Variants in TASOR2 observed in about 807,000 individuals in gnomAD.
TASOR2 encodes transcription activation suppressor family member 2, also known as protein TASOR 2.
Under a neutral mutation model 199.5 loss-of-function variants are expected in TASOR2, and 84 were observed. That is an observed-to-expected ratio of 0.42 (90% CI 0.35 to 0.50). TASOR2 has a LOEUF of 0.50. Among genes scored for constraint, TASOR2 ranks in the 20% least tolerant of loss-of-function variants. The probability of loss-of-function intolerance (pLI) is 0.02; values close to 1 mark genes in which losing one functional copy is unlikely to be tolerated. For synonymous variants in TASOR2, 1,103 were observed against 1,046.6 expected, an observed-to-expected ratio of 1.05 and a Z score of -1.04; for missense variants, 2,796 against 2,835.9, an observed-to-expected ratio of 0.99 and a Z score of 0.32.
Position 5,748,004 on chromosome 10 carries a change from C to G in TASOR2, c.4583C>G (p.Pro1528Arg). ...TGCTATGGTAGGGAGTTAAACCAGC[C>G]TGCCTCAGCTGCCAAATGCACAGGT... Residue 1528 changes from proline (P) to arginine (R), a missense_variant, in exon 15 of 21, where the codon CCT (proline) becomes CGT (arginine). Transcript: ENST00000328090. The surrounding 1 kb of genome is among the most constrained non-coding windows in gnomAD (Gnocchi z 5.1). 1 of 1,461,302 alleles carries G rather than the reference C, an allele frequency of 6.8e-7. No individual in the cohort carries two copies. The highest frequency in any genetic ancestry group is 8.6e-7 in the Non-Finnish European group (1 of 1,157,582). The allele number at this position is 1,461,302 out of a possible 1,614,324, so 90.5% of individuals were successfully genotyped here.
At chr10:5,691,142 G>T (rs1267266835) in intron 1 of TASOR2, among the ~76,000 whole-genome samples, 1 of 147,516 alleles carries the variant, frequency 6.8e-6, no homozygotes, top group Non-Finnish European at 1.5e-5. Flanking sequence ...AGCGAGCCGA[G>T]ATCACGCCAC....
At chr10:5,758,581 A>T (rs1411707152) in intron 17 of TASOR2, among the ~76,000 whole-genome samples, 1 of 152,184 alleles carries the variant, frequency 6.6e-6, no homozygotes, top group African/African-American at 2.4e-5. Flanking sequence ...TCTCTACTGC[A>T]TCGGGGCCTC....
rs780666915 is a variant in TASOR2 at position 5,720,796 on chromosome 10, C to G, written c.46+22C>G. On this transcript the variant is annotated intron_variant, in intron 5 of 20. Transcript: ENST00000328090. This position sits in a 1 kb window ranked among gnomAD's most constrained non-coding sequence, Gnocchi z 5.3. ...AATGGTAAGAAATAGTTCATTGATTCTTTTAGGTTTTTTTTTTCTTGAGTA... is the reference window on the plus strand; with the variant it reads ...AATGGTAAGAAATAGTTCATTGATTGTTTTAGGTTTTTTTTTTCTTGAGTA... 1.3e-6 allele frequency: 2 copies of G among 1,598,182 alleles called. No homozygotes were observed. The highest frequency in any genetic ancestry group is 2.7e-5 in the African/African-American group (2 of 73,454).
chr10:5,707,654 T>TTCTCTC (rs55766705), intron 1 of TASOR2, among the ~76,000 whole-genome samples: 3 of 135,652 alleles, frequency 2.2e-5, no homozygotes, highest in South Asian at 2.4e-4. Context: ...CTCATTCTCT[T>TTCTCTC]TCTCTCTCTC....
Position 5,690,900 on chromosome 10 carries a change from T to C in TASOR2, c.-288+5725T>C, listed in dbSNP as rs1175538419. Among the ~76,000 whole-genome samples the C allele has an allele frequency of 1.3e-5, 2 of 152,128 alleles. No individual in the cohort carries two copies. Among genetic ancestry groups the C allele is most frequent in the Non-Finnish European group, 2.9e-5 (2 of 68,022 alleles). ...TTTGAAATAATTCTAATGAAAATTATATGACCTTGAGGCTGGGCGCGGTGG... is the reference window on the plus strand; with the variant it reads ...TTTGAAATAATTCTAATGAAAATTACATGACCTTGAGGCTGGGCGCGGTGG... On this transcript the variant is annotated intron_variant, in intron 1 of 20. Transcript: ENST00000328090. This position sits in a 1 kb window ranked among gnomAD's most constrained non-coding sequence, Gnocchi z 4.8.
chr10:5,716,954 T>A (rs1320597744), intron 2 of TASOR2, among the ~76,000 whole-genome samples: 2 of 140,560 alleles, frequency 1.4e-5, no homozygotes, highest in African/African-American at 5.0e-5. Context: ...ATTGCATTAT[T>A]TGCTTCATTT....
intron 1 of TASOR2, among the ~76,000 whole-genome samples, chr10:5,693,386 C>T (rs1377396144): frequency 6.6e-6 from 1 of 152,166 alleles, no homozygotes; most frequent in Non-Finnish European, 1.5e-5. Flanking sequence ...TCCCTTTGTG[C>T]GTGCCGTGAT....
chr10:5,686,528 G>C (rs1835834337), intron 1 of TASOR2, among the ~76,000 whole-genome samples: 1 of 152,222 alleles, frequency 6.6e-6, no homozygotes, highest in South Asian at 2.1e-4. Context: ...CAGTGCTTCA[G>C]GTGGTCATGA....
chr10:5,747,605 T>C (rs368771156), exon 15 of TASOR2: 2 of 1,614,218 alleles, frequency 1.2e-6, no homozygotes, highest in Non-Finnish European at 1.7e-6. Context: ...TTTGATTCTG[T>C]AATTGAAGAA....
At chr10:5,707,531 G>C (rs1838786222) in intron 1 of TASOR2, among the ~76,000 whole-genome samples, 2 of 152,018 alleles carry the variant, frequency 1.3e-5, no homozygotes, top group South Asian at 2.1e-4. Context: ...AACTCTCTCT[G>C]TAGACTTCCA....
intron 1 of TASOR2, among the ~76,000 whole-genome samples, chr10:5,704,223 C>CAA (rs58311711): frequency 7.6e-6 from 1 of 131,912 alleles, no homozygotes. Context: ...GACTCCATCT[C>CAA]AAAAAAAAAA....
chr10:5,717,910 CTT>C (rs1469406884), intron 3 of TASOR2, among the ~76,000 whole-genome samples, 160 bp downstream of exon 4: 1 of 151,962 alleles, frequency 6.6e-6, no homozygotes, highest in Admixed American at 6.6e-5. Flanking sequence ...AAAAAGAAAA[CTT>C]TGATTCATTT....
intron 1 of TASOR2, among the ~76,000 whole-genome samples, chr10:5,707,827 G>A (rs536539353): frequency 2.0e-5 from 3 of 151,556 alleles, no homozygotes; most frequent in African/African-American, 7.3e-5. Flanking sequence ...GTGGTTTTAT[G>A]GAAGGGAAGT....
chr10:5,761,638 G>C (rs1328430413), intron 19 of TASOR2, 167 bp downstream of exon 20: 2 of 610,188 alleles, frequency 3.3e-6, no homozygotes, highest in Non-Finnish European at 5.8e-6. Context: ...ATAAAATGTA[G>C]TATTTGCAGG....
At position 5,748,308 on chromosome 10, in the gene TASOR2, T is replaced by A; in HGVS notation, c.4887T>A (p.Ile1629=). The change falls in exon 15 of 21, where the codon ATT becomes ATA. Residue 1629 remains isoleucine, a synonymous_variant. Coordinates refer to ENST00000328090, the Ensembl canonical transcript of TASOR2. This position sits in a 1 kb window ranked among gnomAD's most constrained non-coding sequence, Gnocchi z 5.1. ...GTGATTTGAAAACAGATGAAGGCAT[T>A]TATCTGCAGGTGAAGTCCTTGACAG... is the stretch of plus-strand genomic sequence containing the variant. 6.2e-7 allele frequency: 1 copy of A among 1,614,210 alleles called. No individual in the cohort carries two copies. The highest frequency in any genetic ancestry group is 1.3e-5 in the African/African-American group (1 of 75,052).
chr10:5,735,430 C>T, exon 12 of TASOR2: 1 of 1,614,136 alleles, frequency 6.2e-7, no homozygotes, highest in Non-Finnish European at 8.5e-7. Context: ...CAAGAGAAAT[C>T]TCCAGTCAAA....
In TASOR2 at chr10:5,751,378, C is replaced by T. The variant is rs943642175; in HGVS notation, c.6606+1351C>T. ...CCTTCTGCATTTATTAGTTGGTATT[C>T]GGCTGTAGAATAGAGCTTTCCCTTA... On this transcript the variant is annotated intron_variant, in intron 15 of 20. Coordinates refer to ENST00000328090, the Ensembl canonical transcript of TASOR2. The surrounding 1 kb of genome is among the most constrained non-coding windows in gnomAD (Gnocchi z 5.3). Among the ~76,000 whole-genome samples, 2 of 152,156 alleles carry T rather than the reference C, an allele frequency of 1.3e-5. No individual in the cohort carries two copies. The highest frequency in any genetic ancestry group is 4.8e-5 in the African/African-American group (2 of 41,408).
At chr10:5,691,559 T>G (rs963308232) in intron 1 of TASOR2, among the ~76,000 whole-genome samples, 1 of 152,248 alleles carries the variant, frequency 6.6e-6, no homozygotes, top group Non-Finnish European at 1.5e-5. Context: ...TCTTTGTTAA[T>G]CTACATAATT....
In TASOR2 at chr10:5,712,888, C is replaced by T. The variant is rs1564279499; in HGVS notation, c.-222C>T. ...CTCAGGAAGAACTTCAAGACACTTA[C>T]GGGTTTCTTCTGTTTGATACTGAAA... On this transcript the variant is annotated 5_prime_UTR_variant, in exon 2 of 21. In the 5' UTR this introduces an upstream ATG that the reference lacks. Transcript: ENST00000328090. 4 of 1,231,056 alleles carry T rather than the reference C, an allele frequency of 3.2e-6. No homozygotes were observed. Among genetic ancestry groups the T allele is most frequent in the Admixed American group, 4.2e-5 (1 of 23,700 alleles). The allele number at this position is 1,231,056 out of a possible 1,614,324, so 76.3% of individuals were successfully genotyped here.
Sources: allele counts gnomAD v4.1 joint callset (sites outside exome capture counted in the v4.1 genomes callset), GRCh38; gene constraint gnomAD v4.1.1; non-coding constraint Gnocchi (gnomAD v3.1); transcripts MANE v1.5; gene names NCBI Gene and HGNC (gene_info 2026-07-23, HGNC 2026-07-21).